Variants in NTM observed in about 807,000 individuals in gnomAD.
The protein encoded by NTM is neurotrimin, also known as IgLON family member 2.
A neutral mutation model predicts 42.1 loss-of-function variants in NTM; 13 were observed. The observed-to-expected ratio is 0.31, with a 90% confidence interval of 0.20 to 0.49. The LOEUF is 0.49. NTM is among the 20% of genes least tolerant of loss of function. The pLI, the probability that NTM is intolerant of heterozygous loss-of-function variation, is 0.99. For missense variants in NTM, 373 were observed against 452.8 expected (o/e 0.82, Z 1.60); for synonymous variants, 187 against 179.2 (o/e 1.04, Z -0.35).
At chr11:132,252,897 A>C (rs569297947) in intron 4 of NTM, among the ~76,000 whole-genome samples, 52 of 152,354 alleles carry the variant, frequency 3.4e-4, no homozygotes, top group Non-Finnish European at 5.9e-4. Flanking sequence ...ATAGGATATA[A>C]GAACTTAAAG....
chr11:131,680,731 A>G, intron 1 of NTM, among the ~76,000 whole-genome samples: 1 of 108,648 alleles, frequency 9.2e-6, no homozygotes, highest in African/African-American at 3.3e-5. Flanking sequence ...ATGTTTGCAT[A>G]GGCATGTGTG....
At chr11:131,385,150 T>C (rs941892370) in intron 1 of NTM, 2 of 152,242 alleles carry the variant, frequency 1.3e-5, no homozygotes, top group Non-Finnish European at 2.9e-5. Context: ...TAGAAGAGCA[T>C]GTGGGAGACT....
At chr11:131,905,418 C>T (rs151117413) in intron 1 of NTM, among the ~76,000 whole-genome samples, 3 of 152,110 alleles carry the variant, frequency 2.0e-5, no homozygotes, top group East Asian at 1.9e-4. Context: ...GTATGAGCAC[C>T]GTCTGAGGCT....
intron 2 of NTM, among the ~76,000 whole-genome samples, chr11:132,089,054 A>C (rs1793624): frequency 6.6e-6 from 1 of 151,986 alleles, no homozygotes; most frequent in Non-Finnish European, 1.5e-5. Flanking sequence ...GTGTTGTAGC[A>C]GTAGAGAAAG....
chr11:132,050,179 G>A (rs1485175176), intron 2 of NTM, among the ~76,000 whole-genome samples: 1 of 152,140 alleles, frequency 6.6e-6, no homozygotes, highest in African/African-American at 2.4e-5. Context: ...AGGTAGGAGG[G>A]ATGAGCTTCT....
chr11:131,819,979 A>T (rs1284170013), intron 1 of NTM, among the ~76,000 whole-genome samples: 1 of 152,196 alleles, frequency 6.6e-6, no homozygotes, highest in Non-Finnish European at 1.5e-5. Context: ...ACAGGGTGTT[A>T]TTAGGGCCTT....
chr11:131,736,276 C>A (rs577053979), intron 1 of NTM, among the ~76,000 whole-genome samples: 8 of 152,174 alleles, frequency 5.3e-5, no homozygotes, highest in East Asian at 1.9e-4. Context: ...TACTTGGTAT[C>A]CAAAATGTCA....
intron 3 of NTM, among the ~76,000 whole-genome samples, chr11:132,179,104 A>G (rs1260086827): frequency 1.3e-5 from 2 of 152,156 alleles, no homozygotes; most frequent in Admixed American, 1.3e-4. Flanking sequence ...CTTCTCAAAG[A>G]GTTTTCAGGA....
rs371291899 is a variant in NTM at position 132,211,787 on chromosome 11, G to T, written c.401-235G>T. The T allele has an allele frequency of 1.3e-4, 47 of 349,014 alleles. No homozygotes were observed. In the South Asian group the frequency reaches 1.5e-3, roughly 11 times the overall value. 21.6% of individuals were successfully genotyped at this position (349,014 alleles called of 1,614,324 possible). ...CTAGGAGAACAGCTATTCCAGTGTTGCAGTAGAATTTATTCCCATTCGGAC... is the reference window on the plus strand; with the variant it reads ...CTAGGAGAACAGCTATTCCAGTGTTTCAGTAGAATTTATTCCCATTCGGAC... On this transcript the variant is annotated intron_variant, in intron 3 of 8. Coordinates refer to ENST00000683400, the MANE Select transcript of NTM (RefSeq NM_001352005.2).
intron 2 of NTM, among the ~76,000 whole-genome samples, chr11:132,075,738 A>G (rs1460589714): frequency 6.6e-6 from 1 of 152,228 alleles, no homozygotes; most frequent in Admixed American, 6.5e-5. Flanking sequence ...AGAAAGGTTT[A>G]CAAGTGCTTA....
chr11:132,317,907 GGAAA>G (rs540176519), intron 7 of NTM, among the ~76,000 whole-genome samples: 34 of 152,220 alleles, frequency 2.2e-4, no homozygotes, highest in Admixed American at 5.2e-4. Flanking sequence ...GCTGGGAAGG[GGAAA>G]GAAAGAAAGA....
At position 131,722,021 on chromosome 11, in the gene NTM, A is replaced by AAGAGAG. The variant is rs1555100311; in HGVS notation, c.83-189541_83-189536dup. ...CAAAAAAAAAAAAAAAAAAAAAAAA[A>AAGAGAG]AGAGAGAAAGAAAGAAAATAATGCT... On this transcript the variant is annotated intron_variant, in intron 1 of 8. Transcript: ENST00000683400. Among the ~76,000 whole-genome samples, 7 of 112,746 alleles carry AAGAGAG rather than the reference A, an allele frequency of 6.2e-5. 1 individual carries two copies. The highest frequency in any genetic ancestry group is 3.4e-4 in the Admixed American group (4 of 11,806). The allele number at this position is 112,746 out of a possible 152,430, so 74.0% of individuals were successfully genotyped here.
chr11:131,613,934 C>T (rs1592229647), intron 1 of NTM, among the ~76,000 whole-genome samples: 3 of 152,298 alleles, frequency 2.0e-5, no homozygotes, highest in Admixed American at 2.0e-4. Context: ...CTCCCGGCTG[C>T]CTCCCTTTGT....
intron 1 of NTM, among the ~76,000 whole-genome samples, chr11:131,820,473 A>T (rs1328601198): frequency 6.6e-6 from 1 of 152,246 alleles, no homozygotes; most frequent in African/African-American, 2.4e-5. Context: ...AATATGTATT[A>T]TGAAAGAATT....
intron 7 of NTM, among the ~76,000 whole-genome samples, chr11:132,321,182 C>A (rs1474419562): frequency 6.6e-6 from 1 of 152,228 alleles, no homozygotes; most frequent in East Asian, 1.9e-4. Flanking sequence ...CAGAGAATGA[C>A]TTTGACGAGC....
intron 1 of NTM, among the ~76,000 whole-genome samples, chr11:131,910,631 G>A (rs899474699): frequency 8.0e-5 from 12 of 150,576 alleles, no homozygotes; most frequent in Non-Finnish European, 1.6e-4. Context: ...GCTCCCGGGA[G>A]GAAGGCGGCG....
At chr11:131,457,700 A>C (rs1428253737) in intron 1 of NTM, among the ~76,000 whole-genome samples, 1 of 151,610 alleles carries the variant, frequency 6.6e-6, no homozygotes, top group African/African-American at 2.4e-5. Context: ...CATATGTGCA[A>C]TGCACTAAAT....
chr11:131,565,404 G>A (rs994071380), intron 1 of NTM, among the ~76,000 whole-genome samples: 1 of 152,182 alleles, frequency 6.6e-6, no homozygotes, highest in African/African-American at 2.4e-5. Flanking sequence ...AGGTTTCCAG[G>A]TCTCCTCCTG....
intron 4 of NTM, among the ~76,000 whole-genome samples, chr11:132,218,839 G>A (rs1488309368): frequency 6.6e-6 from 1 of 152,130 alleles, no homozygotes; most frequent in Non-Finnish European, 1.5e-5. Flanking sequence ...TACTAACAAT[G>A]ACTGCATTTC....
Sources: allele counts gnomAD v4.1 joint callset (sites outside exome capture counted in the v4.1 genomes callset), GRCh38; gene constraint gnomAD v4.1.1; transcripts MANE v1.5; gene names NCBI Gene and HGNC (gene_info 2026-07-23, HGNC 2026-07-21).